Variants in PARP15 observed in about 807,000 individuals in gnomAD.
The protein encoded by PARP15 is poly(ADP-ribose) polymerase family member 15.
PARP15 carries 50 observed loss-of-function variants against 62.1 expected under a neutral mutation model. That is an observed-to-expected ratio of 0.81 (90% confidence interval 0.64 to 1.02). The LOEUF (loss-of-function observed/expected upper bound fraction) is 1.02, where lower values mean the gene tolerates loss of function less well. Ranked by LOEUF, PARP15 falls within the 50% of genes least tolerant of loss-of-function variation. The pLI is 0.00. For synonymous variants in PARP15, 309 were observed against 293.1 expected (o/e 1.05, Z -0.55); for missense variants, 820 against 826.5 (o/e 0.99, Z 0.10).
chr3:122,627,921 T>C (rs1254567619), intron 9 of PARP15, among the ~76,000 whole-genome samples: 1 of 152,232 alleles, frequency 6.6e-6, no homozygotes, highest in African/African-American at 2.4e-5. Context: ...AAAGTCCATC[T>C]TACACTGGCT....
intron 1 of PARP15, among the ~76,000 whole-genome samples, chr3:122,583,772 TG>T (rs1933173098): frequency 6.6e-6 from 1 of 152,230 alleles, no homozygotes; most frequent in South Asian, 2.1e-4. Context: ...ATTTTTCTAC[TG>T]TGGCTATTGA....
In PARP15 at chr3:122,613,350, C is replaced by G; in HGVS notation, c.771+82C>G. The G allele has an allele frequency of 3.3e-6, 4 of 1,225,466 alleles. 1 individual carries two copies. The South Asian group carries it at 5.3e-5, about 16-fold the overall frequency. The allele number at this position is 1,225,466 out of a possible 1,614,324, so 75.9% of individuals were successfully genotyped here. Reference sequence around the variant, plus strand: ...ATGTTTTTATAGATCTAGGAATAACCGTGTTTTCTAATCCTGTGCCTATAA... The same window carrying G: ...ATGTTTTTATAGATCTAGGAATAACGGTGTTTTCTAATCCTGTGCCTATAA... On this transcript the variant is annotated intron_variant, in intron 4 of 11. Transcript: ENST00000464300.
intron 4 of PARP15, 83 bp downstream of exon 4, chr3:122,613,351 G>T (rs1256750802): frequency 8.2e-7 from 1 of 1,221,396 alleles, no homozygotes; most frequent in East Asian, 2.5e-5. Flanking sequence ...AGGAATAACC[G>T]TGTTTTCTAA....
intron 9 of PARP15, 41 bp downstream of exon 9, chr3:122,627,074 A>T (rs141174514): frequency 6.7e-7 from 1 of 1,487,574 alleles, no homozygotes; most frequent in Non-Finnish European, 9.3e-7. Context: ...GCTGGCTCTG[A>T]TAATCACTTA....
intron 4 of PARP15, chr3:122,615,326 T>C: frequency 3.9e-6 from 5 of 1,291,026 alleles, no homozygotes; most frequent in Non-Finnish European, 5.1e-6. Context: ...ATACTGTATG[T>C]ATTTGTTGTT....
At chr3:122,615,677 T>G (rs199621036) in intron 4 of PARP15, 102 bp from the exon 5 acceptor site, 1 of 1,587,034 alleles carries the variant, frequency 6.3e-7, no homozygotes, top group African/African-American at 1.4e-5. Context: ...TTTTGAGAAC[T>G]ATTGTTATCA....
intron 5 of PARP15, among the ~76,000 whole-genome samples, chr3:122,616,169 C>T (rs1935952698): frequency 6.6e-6 from 1 of 152,042 alleles, no homozygotes; most frequent in Non-Finnish European, 1.5e-5. Flanking sequence ...GTACAATGGC[C>T]CCGTGGCAGG....
chr3:122,636,411 C>T lies in PARP15; in HGVS notation c.*311C>T, dbSNP rs1202379638. ...TATCAGAAAAAAACAAGATGCATCA[C>T]CTTAAAACCAAGATGACATTGTTCT... is the stretch of plus-strand genomic sequence containing the variant. On this transcript the variant is annotated 3_prime_UTR_variant, in exon 12 of 12. Transcript: ENST00000464300. 3 of 296,108 alleles carry T rather than the reference C, an allele frequency of 1.0e-5. No homozygotes were observed. Among genetic ancestry groups the T allele is most frequent in the Non-Finnish European group, 1.3e-5 (2 of 156,490 alleles). 18.3% of individuals were successfully genotyped at this position (296,108 alleles called of 1,614,324 possible).
intron 2 of PARP15, among the ~76,000 whole-genome samples, chr3:122,608,418 G>A (rs1935326929): frequency 6.6e-6 from 1 of 151,974 alleles, no homozygotes; most frequent in Non-Finnish European, 1.5e-5. Context: ...GTTTTGCCAT[G>A]TTGGCCAGGC....
At position 122,636,358 on chromosome 3, in the gene PARP15, GA is replaced by G; in HGVS notation, c.*259del. 2 of 413,506 alleles carry G rather than the reference GA, an allele frequency of 4.8e-6. No individual in the cohort carries two copies. The highest frequency in any genetic ancestry group is 7.6e-5 in the Admixed American group (2 of 26,224). The allele number at this position is 413,506 out of a possible 1,614,324, so 25.6% of individuals were successfully genotyped here. ...CCATTCACAGACACCAAATCTCTAGGAGAATAAAAAGCACATTATTCTTTTT... is the reference window on the plus strand; with the variant it reads ...CCATTCACAGACACCAAATCTCTAGGGAATAAAAAGCACATTATTCTTTTT... On this transcript the variant is annotated 3_prime_UTR_variant, in exon 12 of 12. Transcript: ENST00000464300.
At chr3:122,602,556 G>A (rs1266050064) in intron 1 of PARP15, among the ~76,000 whole-genome samples, 1 of 152,156 alleles carries the variant, frequency 6.6e-6, no homozygotes, top group Non-Finnish European at 1.5e-5. Context: ...CTCAGGCTCT[G>A]TTGCTAGGGA....
In PARP15 at chr3:122,635,094, C is replaced by A; in HGVS notation, c.1647C>A (p.Asp549Glu). ...AAAGGCAAATGGATATCAAGAATGA[C>A]CATAAGAATAATGAGAGACTCCTCT... ...VKKRQMDIKN[D>E]HKNNERLLFH... Residue 549 changes from aspartate (D) to glutamate (E), a missense_variant, in exon 11 of 12, where the codon GAC (aspartate) becomes GAA (glutamate). Physicochemically the swap from Asp to Glu is conservative, Grantham distance 45 (BLOSUM62 2). Around this residue, in one of 3 missense-constraint regions of PARP15, gnomAD observed 731 missense variants for 727.7 expected, o/e 1.00. Transcript: ENST00000464300. The A allele has an allele frequency of 6.2e-7, 1 of 1,613,958 alleles. No individual in the cohort carries two copies.
intron 2 of PARP15, among the ~76,000 whole-genome samples, chr3:122,609,353 A>G (rs1306047915): frequency 1.3e-5 from 2 of 152,206 alleles, no homozygotes; most frequent in Non-Finnish European, 1.5e-5. Flanking sequence ...TCCCAGAGAC[A>G]TAGACATCTT....
At chr3:122,627,303 G>A (rs975374840) in intron 9 of PARP15, among the ~76,000 whole-genome samples, 1 of 152,180 alleles carries the variant, frequency 6.6e-6, no homozygotes, top group Non-Finnish European at 1.5e-5. Flanking sequence ...AAGAGGGGAG[G>A]AGGCTTTGCA....
intron 4 of PARP15, chr3:122,615,260 A>T: frequency 7.8e-7 from 1 of 1,287,798 alleles, no homozygotes; most frequent in Non-Finnish European, 1.0e-6. Flanking sequence ...AGGTTTTCTA[A>T]CGTGGATTTT....
At chr3:122,619,667 TG>T in intron 6 of PARP15, 113 bp from the exon 7 acceptor site, 1 of 863,158 alleles carries the variant, frequency 1.2e-6, no homozygotes, top group Admixed American at 1.8e-5. Context: ...GGCGTGGGGG[TG>T]GTCAATGGAT....
intron 1 of PARP15, among the ~76,000 whole-genome samples, chr3:122,584,917 T>TA (rs1333167732): frequency 6.6e-6 from 1 of 152,212 alleles, no homozygotes; most frequent in Non-Finnish European, 1.5e-5. Context: ...GAATCGGTGT[T>TA]AAATTTGGTC....
At chr3:122,603,086 A>G (rs1934919920) in intron 1 of PARP15, among the ~76,000 whole-genome samples, 1 of 151,952 alleles carries the variant, frequency 6.6e-6, no homozygotes, top group Admixed American at 6.5e-5. Flanking sequence ...TGGGTCTTCA[A>G]TGAAAGGCCC....
chr3:122,584,152 C>A (rs976335731), intron 1 of PARP15, among the ~76,000 whole-genome samples: 2 of 152,156 alleles, frequency 1.3e-5, no homozygotes, highest in Non-Finnish European at 2.9e-5. Flanking sequence ...TTTTAGATAT[C>A]TTTTAACAAA....
Sources: gnomAD v4.1 joint callset for allele counts (sites outside exome capture counted in the v4.1 genomes callset) on GRCh38, gnomAD v4.1.1 for gene constraint, gnomAD v4.1.1 regional missense constraint, MANE v1.5 for transcripts, NCBI Gene and HGNC (gene_info 2026-07-23, HGNC 2026-07-21) for gene names.